Variants in CFAP73 observed in about 807,000 individuals in gnomAD.
CFAP73 encodes the protein cilia- and flagella-associated protein 73.
CFAP73 carries 33 observed loss-of-function variants against 42.9 expected under a neutral mutation model. The ratio of observed to expected loss-of-function variants is 0.77; its 90% CI spans 0.58 to 1.03. The LOEUF is 1.03. Among genes scored for constraint, CFAP73 ranks in the 50% least tolerant of loss-of-function variants. The pLI, the probability that CFAP73 is intolerant of heterozygous loss-of-function variation, is 0.00. For synonymous variants in CFAP73, 162 were observed against 186.8 expected, an observed-to-expected ratio of 0.87 and a Z score of 1.08; for missense variants, 392 against 411.9, an observed-to-expected ratio of 0.95 and a Z score of 0.42.
In CFAP73 at chr12:113,158,164, G is replaced by A. The variant is rs1218523433; in HGVS notation, c.*11+474G>A. The A allele has an allele frequency of 2.5e-5, 4 of 162,978 alleles. No homozygotes were observed. The highest frequency in any genetic ancestry group is 4.1e-5 in the Non-Finnish European group (3 of 74,018). The allele number at this position is 162,978 out of a possible 1,614,324, so 10.1% of individuals were successfully genotyped here. A position where few individuals can be genotyped will look rare whatever the true frequency, so the allele number is the denominator to read the frequency against. On this transcript the variant is annotated intron_variant, in intron 7 of 7. Coordinates refer to ENST00000335621, the MANE Select transcript of CFAP73 (RefSeq NM_001144872.3). The surrounding 1 kb of genome is among the most constrained non-coding windows in gnomAD (Gnocchi z 4.9). ...TGGCAAGAAGACAGAGGACAGGCCA[G>A]GTTCTGACCTCCAGGTGTGGAGGGG... is the stretch of plus-strand genomic sequence containing the variant.
At chr12:113,153,023 T>C (rs533460926) in intron 3 of CFAP73, 136 bp downstream of exon 3, 2 of 764,766 alleles carry the variant, frequency 2.6e-6, no homozygotes, top group South Asian at 1.9e-5. Context: ...ACACACGCAC[T>C]GCCTGAAGCA....
intron 5 of CFAP73, among the ~76,000 whole-genome samples, chr12:113,155,052 C>T (rs1952105886): frequency 6.6e-6 from 1 of 152,184 alleles, no homozygotes; most frequent in South Asian, 2.1e-4. Flanking sequence ...CGCCTGTACT[C>T]CCAGCTACTC....
chr12:113,156,498 G>A (rs1009936960), intron 6 of CFAP73, among the ~76,000 whole-genome samples: 2 of 151,578 alleles, frequency 1.3e-5, no homozygotes, highest in African/African-American at 2.4e-5. Context: ...GTGTTAATCC[G>A]GTGTCTGAGG....
In CFAP73 at chr12:113,158,683, C is replaced by T; in HGVS notation, c.*12-18C>T. On this transcript the variant is annotated intron_variant, in intron 7 of 7. Transcript: ENST00000335621. This position sits in a 1 kb window ranked among gnomAD's most constrained non-coding sequence, Gnocchi z 4.9. Reference sequence around the variant, plus strand: ...CCTGCACACCCTTCAAGGCCCTGTTCAAATGTCTCTGTCTTAGGCTGACGC... The same window carrying T: ...CCTGCACACCCTTCAAGGCCCTGTTTAAATGTCTCTGTCTTAGGCTGACGC... 1.5e-6 allele frequency: 1 copy of T among 649,764 alleles called. No individual in the cohort carries two copies. The allele number at this position is 649,764 out of a possible 1,614,324, so 40.2% of individuals were successfully genotyped here.
At chr12:113,152,050 G>A in intron 2 of CFAP73, 27 bp downstream of exon 2, 1 of 1,497,908 alleles carries the variant, frequency 6.7e-7, no homozygotes, top group Non-Finnish European at 9.1e-7. Context: ...GTAACGAGGT[G>A]GTGAGCTGGT....
In CFAP73 at chr12:113,159,019, C is replaced by T. The variant is rs1489357824; in HGVS notation, c.*330C>T. The T allele has an allele frequency of 1.1e-5, 17 of 1,611,622 alleles. 1 individual carries two copies. The highest frequency in any genetic ancestry group is 3.3e-5 in the Admixed American group (2 of 59,900). ...CTGCAGGAAGTGCAGCTTCTGGGCC[C>T]GGCGCCGCTGCTTCAGGATCTGCTG... On this transcript the variant is annotated 3_prime_UTR_variant, in exon 8 of 8. Coordinates refer to ENST00000335621, the MANE Select transcript of CFAP73 (RefSeq NM_001144872.3).
Position 113,158,321 on chromosome 12 carries a change from G to C in CFAP73, c.*12-380G>C, listed in dbSNP as rs116549357. 1.3e-5 allele frequency: 2 copies of C among 153,198 alleles called. No homozygotes were observed. The highest frequency in any genetic ancestry group is 3.8e-4 in the East Asian group (2 of 5,208). The allele number at this position is 153,198 out of a possible 1,614,324, so 9.5% of individuals were successfully genotyped here. On this transcript the variant is annotated intron_variant, in intron 7 of 7. Coordinates refer to ENST00000335621, the MANE Select transcript of CFAP73 (RefSeq NM_001144872.3). The surrounding 1 kb of genome is among the most constrained non-coding windows in gnomAD (Gnocchi z 4.9). ...GTGGGAGGAAGGGGGACCAACTCCC[G>C]CCTCTGGCACCTGGTTTGTGCTCTG...
chr12:113,159,269 C>T lies in CFAP73; in HGVS notation c.*580C>T. The stretch of plus-strand genomic sequence containing the variant: ...AGTAGGTGGCTAATAAAGTTTTAGG[C>T]AGCCTCATGGAGTGGTCAATAACAC... On this transcript the variant is annotated 3_prime_UTR_variant, in exon 8 of 8. Transcript: ENST00000335621. 1.3e-6 allele frequency: 1 copy of T among 799,208 alleles called. No homozygotes were observed. 49.5% of individuals were successfully genotyped at this position (799,208 alleles called of 1,614,324 possible). A position where few individuals can be genotyped will look rare whatever the true frequency, so the allele number is the denominator to read the frequency against.
At chr12:113,157,950 G>A (rs1952154098) in intron 7 of CFAP73, 1 of 508,658 alleles carries the variant, frequency 2.0e-6, no homozygotes, top group Non-Finnish European at 3.5e-6. Flanking sequence ...GATCAGACCA[G>A]GCCCTCCCTG....
rs1314400456 is a variant in CFAP73, at chr12:113,159,151, C to T, written c.*462C>T. The T allele has an allele frequency of 6.5e-7, 1 of 1,530,904 alleles. No homozygotes were observed. The highest frequency in any genetic ancestry group is 1.9e-5 in the Admixed American group (1 of 52,722). The allele number at this position is 1,530,904 out of a possible 1,614,324, so 94.8% of individuals were successfully genotyped here. A position where few individuals can be genotyped will look rare whatever the true frequency, so the allele number is the denominator to read the frequency against. ...TCAGGGAGCTCAGCTGTTGGGATCACTCCCAAGATCCCCTCCTCCCAGAAG... is the reference window on the plus strand; with the variant it reads ...TCAGGGAGCTCAGCTGTTGGGATCATTCCCAAGATCCCCTCCTCCCAGAAG... On this transcript the variant is annotated 3_prime_UTR_variant, in exon 8 of 8. Coordinates refer to ENST00000335621, the MANE Select transcript of CFAP73 (RefSeq NM_001144872.3).
chr12:113,150,324 C>G (rs1952050724), intron 1 of CFAP73, among the ~76,000 whole-genome samples: 1 of 152,122 alleles, frequency 6.6e-6, no homozygotes, highest in Non-Finnish European at 1.5e-5. Context: ...GGGGGGTTTT[C>G]TTCTGGACCA....
chr12:113,149,829 G>T lies in CFAP73; in HGVS notation c.-29G>T. 6.4e-7 allele frequency: 1 copy of T among 1,550,734 alleles called. No homozygotes were observed. Among genetic ancestry groups the T allele is most frequent in the South Asian group, 1.2e-5 (1 of 84,028 alleles). On this transcript the variant is annotated 5_prime_UTR_variant, in exon 1 of 8. Coordinates refer to ENST00000335621, the MANE Select transcript of CFAP73 (RefSeq NM_001144872.3). ...AGCTTGTGCAAAACTCCAGCTGGTGGAAAGAAAGCTGGGGCAACTGCCAGA... is the reference window on the plus strand; with the variant it reads ...AGCTTGTGCAAAACTCCAGCTGGTGTAAAGAAAGCTGGGGCAACTGCCAGA...
In CFAP73 at chr12:113,158,932, C is replaced by A. The variant is rs370380296; in HGVS notation, c.*243C>A. ...GGAGCGGGCACCCCGGCCGAAGGCG[C>A]CCTGCTGCAGCTCCTGGACGCGGCG... On this transcript the variant is annotated 3_prime_UTR_variant, in exon 8 of 8. Transcript: ENST00000335621. The surrounding 1 kb of genome is among the most constrained non-coding windows in gnomAD (Gnocchi z 4.9). 4.7e-5 allele frequency: 75 copies of A among 1,609,748 alleles called. 2 individuals carry two copies. Among genetic ancestry groups the A allele is most frequent in the East Asian group, 4.2e-4 (19 of 44,746 alleles).
At chr12:113,153,645 T>A (rs1952087374) in intron 4 of CFAP73, among the ~76,000 whole-genome samples, 1 of 152,110 alleles carries the variant, frequency 6.6e-6, no homozygotes, top group Admixed American at 6.5e-5. Flanking sequence ...CAGGCTGGAG[T>A]GCATTGGCGC....
At position 113,157,603 on chromosome 12, in the gene CFAP73, T is replaced by A. The variant is rs936528877; in HGVS notation, c.851T>A (p.Val284Glu). The A allele has an allele frequency of 1.4e-5, 22 of 1,551,448 alleles. No homozygotes were observed. Among genetic ancestry groups the A allele is most frequent in the Non-Finnish European group, 1.9e-5 (22 of 1,146,968 alleles). Reference protein sequence around the residue: ...IEDTEGQLEHVKLFMQDLSAM... With the variant: ...IEDTEGQLEHEKLFMQDLSAM... ...TGACTTCGTGCTGGGCCCCCCCAGG[T>A]GAAGCTGTTCATGCAGGACCTCTCT... The change falls in exon 7 of 8, where the codon GTG (valine) becomes GAG (glutamate). Residue 284 changes from valine (V) to glutamate (E), a missense_variant and splice_region_variant. Coordinates refer to ENST00000335621, the MANE Select transcript of CFAP73 (RefSeq NM_001144872.3).
rs888152764 is a variant in CFAP73, at chr12:113,154,750, C to T, written c.690+115C>T. The T allele has an allele frequency of 5.2e-5, 70 of 1,345,904 alleles. No individual in the cohort carries two copies. Among genetic ancestry groups the T allele is most frequent in the South Asian group, 1.4e-4 (7 of 51,100 alleles). 83.4% of individuals were successfully genotyped at this position (1,345,904 alleles called of 1,614,324 possible). A position where few individuals can be genotyped will look rare whatever the true frequency, so the allele number is the denominator to read the frequency against. On this transcript the variant is annotated intron_variant, in intron 5 of 7. Transcript: ENST00000335621. The surrounding 1 kb of genome is among the most constrained non-coding windows in gnomAD (Gnocchi z 4.7). ...GGCAATGCTTACCCCAGAGGGTCCG[C>T]TGCACTAAGGAGGGGAATCTCAGGC...
chr12:113,158,917 C>T lies in CFAP73; in HGVS notation c.*228C>T, dbSNP rs774364625. On this transcript the variant is annotated 3_prime_UTR_variant, in exon 8 of 8. Transcript: ENST00000335621. The surrounding 1 kb of genome is among the most constrained non-coding windows in gnomAD (Gnocchi z 4.9). ...CATCTTGCCCTTCTTGGAGCGGGCA[C>T]CCCGGCCGAAGGCGCCCTGCTGCAG... 3 of 1,608,664 alleles carry T rather than the reference C, an allele frequency of 1.9e-6. No homozygotes were observed. Among genetic ancestry groups the T allele is most frequent in the Non-Finnish European group, 2.6e-6 (3 of 1,176,234 alleles).
In CFAP73 at chr12:113,154,428, G is replaced by A. The variant is rs764039546; in HGVS notation, c.483G>A (p.Pro161=). ...LELLPGFQEV[P]ELVARFDGLA... ...CCCGACTCTAGTTCCAAGAGGTTCC[G>A]GAGCTGGTGGCGCGCTTCGACGGCC... is the stretch of plus-strand genomic sequence containing the variant. Residue 161 remains proline (P), a synonymous_variant, in exon 5 of 8, where the codon CCG becomes CCA. Coordinates refer to ENST00000335621, the MANE Select transcript of CFAP73 (RefSeq NM_001144872.3). This position sits in a 1 kb window ranked among gnomAD's most constrained non-coding sequence, Gnocchi z 4.7. The A allele has an allele frequency of 4.6e-5, 71 of 1,547,708 alleles. No individual in the cohort carries two copies. The highest frequency in any genetic ancestry group is 5.7e-5 in the Non-Finnish European group (65 of 1,145,892).
chr12:113,158,072 G>A lies in CFAP73; in HGVS notation c.*11+382G>A, dbSNP rs1347565078. On this transcript the variant is annotated intron_variant, in intron 7 of 7. Coordinates refer to ENST00000335621, the MANE Select transcript of CFAP73 (RefSeq NM_001144872.3). The surrounding 1 kb of genome is among the most constrained non-coding windows in gnomAD (Gnocchi z 4.9). ...CACTATGGACTCTGCCAGGTGAGGG[G>A]CCCAGCCTGAGAATCCAGCTGCTGG... 1.0e-5 allele frequency: 2 copies of A among 193,600 alleles called. No homozygotes were observed. The highest frequency in any genetic ancestry group is 2.1e-5 in the Non-Finnish European group (2 of 93,252). The allele number at this position is 193,600 out of a possible 1,614,324, so 12.0% of individuals were successfully genotyped here.
Sources: allele counts gnomAD v4.1 joint callset (sites outside exome capture counted in the v4.1 genomes callset), GRCh38; gene constraint gnomAD v4.1.1; non-coding constraint Gnocchi (gnomAD v3.1); transcripts MANE v1.5; gene names NCBI Gene and HGNC (gene_info 2026-07-23, HGNC 2026-07-21).